The following KDM6A variants were observed in gnomAD, a reference collection of about 807,000 sequenced individuals.
The protein encoded by KDM6A is lysine-specific demethylase 6A.
KDM6A carries 11 observed loss-of-function variants against 117.6 expected under a neutral mutation model. The observed-to-expected ratio is 0.09, with a 90% CI of 0.06 to 0.15. The LOEUF is 0.15. KDM6A is among the 10% of genes least tolerant of loss of function. The probability of loss-of-function intolerance (pLI) is 1.00; values close to 1 mark genes in which losing one functional copy is unlikely to be tolerated. For synonymous variants in KDM6A, 384 were observed against 396.1 expected, an observed-to-expected ratio of 0.97 and a Z score of 0.36; for missense variants, 799 against 1,077.3, an observed-to-expected ratio of 0.74 and a Z score of 3.62.
intron 4 of KDM6A, among the ~76,000 whole-genome samples, chrX:44,975,410 T>A (rs1476587873): frequency 9.0e-6 from 1 of 110,873 alleles, no homozygotes; most frequent in Non-Finnish European, 1.9e-5. Flanking sequence ...TCCAGTCTTA[T>A]ATAGACTGGC....
intron 8 of KDM6A, among the ~76,000 whole-genome samples, chrX:45,040,692 T>C (rs1602686147): frequency 3.5e-5 from 2 of 56,827 alleles, no homozygotes; most frequent in East Asian, 7.6e-4. Flanking sequence ...CCCACCTCCC[T>C]CCCGGACGGG....
At chrX:45,109,242 G>A (rs1370774896) in intron 28 of KDM6A, among the ~76,000 whole-genome samples, 4 of 110,371 alleles carry the variant, frequency 3.6e-5, no homozygotes, top group African/African-American at 1.3e-4. Context: ...ATTAAAGAAG[G>A]GAAAGAATTC....
At chrX:44,979,951 A>G (rs772762803) in intron 4 of KDM6A, among the ~76,000 whole-genome samples, 52 of 109,170 alleles carry the variant, frequency 4.8e-4, no homozygotes, top group African/African-American at 1.6e-3. Context: ...TGTTCTTGAA[A>G]TCAAGCAATG....
chrX:45,005,787 C>G (rs916010853), intron 4 of KDM6A, among the ~76,000 whole-genome samples: 1 of 109,412 alleles, frequency 9.1e-6, no homozygotes, highest in Non-Finnish European at 1.9e-5. Flanking sequence ...TTCAATTTCC[C>G]TTACTGAAAA....
rs776319480 is a variant in KDM6A, at chrX:44,914,238, A to C, written c.225+40251A>C. 2.4e-4 allele frequency among the ~76,000 whole-genome samples: 27 copies of C among 112,295 alleles called. 1 individual carries two copies. The highest frequency in any genetic ancestry group is 2.3e-3 in the Admixed American group (24 of 10,599). ...AGTCAAAAGTTACATGTGAATTTTC[A>C]GCTGTGCTGGGGGGGTCAGCACGCC... On this transcript the variant is annotated intron_variant, in intron 2 of 29. Coordinates refer to ENST00000611820, the MANE Select transcript of KDM6A (RefSeq NM_001291415.2).
At chrX:45,027,367 A>ACACACACACACACACCCG (rs1556192829) in intron 6 of KDM6A, among the ~76,000 whole-genome samples, 2 of 107,471 alleles carry the variant, frequency 1.9e-5, no homozygotes, top group African/African-American at 7.0e-5. Flanking sequence ...ACACACACAC[A>ACACACACACACACACCCG]CCCGCCCGTC....
intron 2 of KDM6A, among the ~76,000 whole-genome samples, chrX:44,875,563 G>GTT (rs535198904): frequency 7.2e-5 from 7 of 96,554 alleles, no homozygotes; most frequent in South Asian, 8.8e-4. Context: ...CTGCCTTAAA[G>GTT]TTTTTTTTTT....
intron 6 of KDM6A, among the ~76,000 whole-genome samples, chrX:45,024,143 A>C (rs1012559865): frequency 8.9e-6 from 1 of 111,907 alleles, no homozygotes; most frequent in South Asian, 3.7e-4. Flanking sequence ...TTTCCTCTGG[A>C]TAGATATCCA....
intron 27 of KDM6A, among the ~76,000 whole-genome samples, chrX:45,102,983 A>T (rs1420402538): frequency 9.0e-6 from 1 of 110,569 alleles, no homozygotes; most frequent in African/African-American, 3.3e-5. Flanking sequence ...TCAGTAAGGG[A>T]GACTAGGCAG....
chrX:45,017,946 A>C (rs1370257759), intron 5 of KDM6A, among the ~76,000 whole-genome samples: 1 of 111,698 alleles, frequency 9.0e-6, no homozygotes, highest in African/African-American at 3.3e-5. Context: ...AGATGAATCA[A>C]AATATTAGAG....
At chrX:44,942,099 A>G (rs868094618) in intron 2 of KDM6A, among the ~76,000 whole-genome samples, 1 of 108,506 alleles carries the variant, frequency 9.2e-6, no homozygotes, top group Non-Finnish European at 1.9e-5. Flanking sequence ...AGTGCCTGCA[A>G]TCTCGGCTCA....
chrX:45,065,223 A>G (rs1451893222), intron 17 of KDM6A, among the ~76,000 whole-genome samples: 2 of 111,729 alleles, frequency 1.8e-5, no homozygotes, highest in Non-Finnish European at 3.8e-5. Context: ...AGCACGGAGC[A>G]ATGGACCCTA....
At chrX:45,061,689 G>A (rs1013021968) in intron 15 of KDM6A, among the ~76,000 whole-genome samples, 5 of 107,876 alleles carry the variant, frequency 4.6e-5, no homozygotes, top group African/African-American at 1.7e-4. Flanking sequence ...ACTGGGTTTC[G>A]CCATGTTGGC....
chrX:44,913,744 GTA>G (rs762465433), intron 2 of KDM6A, among the ~76,000 whole-genome samples: 7 of 107,182 alleles, frequency 6.5e-5, no homozygotes, highest in South Asian at 4.0e-4. Flanking sequence ...GTGTGTGTGC[GTA>G]TATATATATA....
At chrX:45,068,616 A>G (rs1316538099) in intron 17 of KDM6A, among the ~76,000 whole-genome samples, 8 of 105,229 alleles carry the variant, frequency 7.6e-5, no homozygotes, top group African/African-American at 2.8e-4. Flanking sequence ...CCCAGGCTGG[A>G]GTACAGTGGC....
At chrX:45,006,117 G>A (rs2041465098) in intron 4 of KDM6A, among the ~76,000 whole-genome samples, 1 of 100,603 alleles carries the variant, frequency 9.9e-6, no homozygotes, top group Admixed American at 1.1e-4. Context: ...TGTGGTATGT[G>A]AGAATCCTTT....
chrX:44,933,260 ATTTTTTTT>A (rs56098621), intron 2 of KDM6A, among the ~76,000 whole-genome samples: 3 of 36,535 alleles, frequency 8.2e-5, no homozygotes, highest in South Asian at 2.5e-3. Context: ...GTTTATGTTG[ATTTTTTTT>A]TTTTTTTTTT....
At chrX:45,109,016 G>A (rs2046648979) in intron 28 of KDM6A, among the ~76,000 whole-genome samples, 1 of 102,564 alleles carries the variant, frequency 9.8e-6, no homozygotes, top group South Asian at 4.5e-4. Context: ...TATACCTAAT[G>A]CTAGATGATG....
chrX:44,922,058 T>C (rs1458043182), intron 2 of KDM6A, among the ~76,000 whole-genome samples: 20 of 69,147 alleles, frequency 2.9e-4, no homozygotes, highest in African/African-American at 9.9e-4. Context: ...TTTTTTTTTT[T>C]TTTTTTAAGA....
Sources: gnomAD v4.1 joint callset for allele counts (sites outside exome capture counted in the v4.1 genomes callset) on GRCh38, gnomAD v4.1.1 for gene constraint, MANE v1.5 for transcripts, NCBI Gene and HGNC (gene_info 2026-07-23, HGNC 2026-07-21) for gene names.